Variants in ST6GAL1 observed in about 807,000 individuals in gnomAD.
ST6GAL1 encodes the protein beta-galactoside alpha-2,6-sialyltransferase 1.
In ST6GAL1, 20 loss-of-function variants were observed where a neutral mutation model predicts 38.0. That is an observed-to-expected ratio of 0.53 (90% CI 0.37 to 0.77). ST6GAL1 has a LOEUF of 0.77. Among genes scored for constraint, ST6GAL1 ranks in the 30% least tolerant of loss-of-function variants. The probability of loss-of-function intolerance (pLI) is 0.00; values close to 1 mark genes in which losing one functional copy is unlikely to be tolerated. For synonymous variants in ST6GAL1, 196 were observed against 188.2 expected, an observed-to-expected ratio of 1.04 and a Z score of -0.34; for missense variants, 432 against 496.4, an observed-to-expected ratio of 0.87 and a Z score of 1.23.
At chr3:186,967,175 T>C (rs1228040986) in intron 2 of ST6GAL1, among the ~76,000 whole-genome samples, 1 of 152,208 alleles carries the variant, frequency 6.6e-6, no homozygotes, top group Non-Finnish European at 1.5e-5. Flanking sequence ...TCCAGACTCC[T>C]GAAGAGGTGT....
intron 2 of ST6GAL1, among the ~76,000 whole-genome samples, chr3:187,014,108 G>A (rs545544868): frequency 6.6e-6 from 1 of 152,340 alleles, no homozygotes; most frequent in South Asian, 2.1e-4. Flanking sequence ...CATGTGCCAG[G>A]CACTGCACAA....
rs1312791983 is a variant in ST6GAL1, at chr3:186,986,975, T to TA, written c.-183+23049_-183+23050insA. Among the ~76,000 whole-genome samples the TA allele has an allele frequency of 1.5e-3, 140 of 94,646 alleles. 1 individual carries two copies. The highest frequency in any genetic ancestry group is 5.1e-3 in the African/African-American group (129 of 25,404). 62.1% of individuals were successfully genotyped at this position (94,646 alleles called of 152,430 possible). On this transcript the variant is annotated intron_variant, in intron 2 of 7. Coordinates refer to ENST00000169298, the MANE Select transcript of ST6GAL1 (RefSeq NM_173216.2). Reference sequence around the variant, plus strand: ...AACCAAAGGTTTTCTTTCTTTCCTTTTAAAAAAAAGTGATATACAGTGAAT... The same window carrying TA: ...AACCAAAGGTTTTCTTTCTTTCCTTTATAAAAAAAAGTGATATACAGTGAAT...
chr3:186,979,881 C>T (rs189872382), intron 2 of ST6GAL1, among the ~76,000 whole-genome samples: 249 of 152,274 alleles, frequency 1.6e-3, no homozygotes, highest in Non-Finnish European at 2.9e-3. Flanking sequence ...AGGGATGCAG[C>T]TTTTATAGCA....
At chr3:186,932,183 A>T (rs1312668285) in intron 1 of ST6GAL1, among the ~76,000 whole-genome samples, 1 of 152,200 alleles carries the variant, frequency 6.6e-6, no homozygotes, top group Non-Finnish European at 1.5e-5. Context: ...TTCCGCTGTT[A>T]TTGAAAAGGT....
intron 5 of ST6GAL1, among the ~76,000 whole-genome samples, chr3:187,067,722 G>T (rs1719217609): frequency 6.6e-6 from 1 of 152,104 alleles, no homozygotes; most frequent in African/African-American, 2.4e-5. Context: ...AATGTCTGAT[G>T]GTTTTATGGG....
intron 5 of ST6GAL1, among the ~76,000 whole-genome samples, chr3:187,066,605 T>TGTGTGTGC (rs1719147144): frequency 3.0e-5 from 3 of 99,918 alleles, no homozygotes; most frequent in Non-Finnish European, 6.1e-5. Flanking sequence ...TGCGTGCGTG[T>TGTGTGTGC]GTGTGTGTGT....
chr3:186,959,382 T>TAC (rs1714858181), intron 1 of ST6GAL1, among the ~76,000 whole-genome samples: 1 of 152,152 alleles, frequency 6.6e-6, no homozygotes, highest in African/African-American at 2.4e-5. Context: ...CTTACCTGCT[T>TAC]TGTGCCCGTG....
At chr3:186,977,346 C>CGA (rs1197399739) in intron 2 of ST6GAL1, among the ~76,000 whole-genome samples, 3 of 152,216 alleles carry the variant, frequency 2.0e-5, no homozygotes, top group Admixed American at 6.5e-5. Context: ...CTGATAAAGG[C>CGA]GAGCTATTTT....
At chr3:187,010,917 C>T (rs1316714914) in intron 2 of ST6GAL1, among the ~76,000 whole-genome samples, 1 of 152,090 alleles carries the variant, frequency 6.6e-6, no homozygotes, top group East Asian at 1.9e-4. Context: ...CTAGACCCCC[C>T]TCCCCTTTCT....
At chr3:187,018,266 G>T (rs1245827859) in intron 2 of ST6GAL1, among the ~76,000 whole-genome samples, 1 of 152,096 alleles carries the variant, frequency 6.6e-6, no homozygotes, top group Non-Finnish European at 1.5e-5. Context: ...CCTAGTTAGG[G>T]GCTGTTGGGG....
chr3:187,057,049 A>C (rs1364307106), intron 5 of ST6GAL1, among the ~76,000 whole-genome samples: 1 of 151,968 alleles, frequency 6.6e-6, no homozygotes, highest in African/African-American at 2.4e-5. Flanking sequence ...TATTTCATTG[A>C]TTTGATCTTC....
At chr3:186,984,825 T>TCCC (rs1715845401) in intron 2 of ST6GAL1, among the ~76,000 whole-genome samples, 1 of 42,514 alleles carries the variant, frequency 2.4e-5, no homozygotes, top group Admixed American at 2.7e-4. Flanking sequence ...CCTTCCTTCC[T>TCCC]TCCCTCCCTC....
At chr3:186,977,138 G>A (rs911075035) in intron 2 of ST6GAL1, among the ~76,000 whole-genome samples, 2 of 152,252 alleles carry the variant, frequency 1.3e-5, no homozygotes, top group Admixed American at 1.3e-4. Context: ...AAGGCATGTG[G>A]ACTTCTTTCT....
intron 1 of ST6GAL1, among the ~76,000 whole-genome samples, chr3:186,962,681 G>C (rs1360651190): frequency 1.3e-5 from 2 of 152,162 alleles, no homozygotes; most frequent in African/African-American, 4.8e-5. Context: ...TCCTAAGACT[G>C]TGTCCAAAGA....
At chr3:186,969,188 A>T (rs1715256074) in intron 2 of ST6GAL1, among the ~76,000 whole-genome samples, 1 of 46,860 alleles carries the variant, frequency 2.1e-5, no homozygotes, top group Admixed American at 2.6e-4. Context: ...AGTAGCTGGG[A>T]TTACAGGCAC....
At chr3:187,066,332 G>A (rs908599725) in intron 5 of ST6GAL1, among the ~76,000 whole-genome samples, 2 of 152,124 alleles carry the variant, frequency 1.3e-5, no homozygotes, top group Admixed American at 6.6e-5. Flanking sequence ...TCCTCTGTGC[G>A]TGGTGGAAAG....
rs35452443 is a variant in ST6GAL1 at position 186,940,783 on chromosome 3, G to GTTT, written c.-325+9964_-325+9966dup. ...GTATTGGAGGTCTTCCCATGTCAGT[G>GTTT]TTTTTTTTTTTTTTTTTCATAGCTG... is the stretch of plus-strand genomic sequence containing the variant. On this transcript the variant is annotated intron_variant, in intron 1 of 7. Transcript: ENST00000169298. Among the ~76,000 whole-genome samples the GTTT allele has an allele frequency of 3.1e-5, 4 of 129,296 alleles. 1 individual carries two copies. Among genetic ancestry groups the GTTT allele is most frequent in the South Asian group, 2.6e-4 (1 of 3,920 alleles). The allele number at this position is 129,296 out of a possible 152,430, so 84.8% of individuals were successfully genotyped here.
chr3:186,941,175 G>T (rs114372471), intron 1 of ST6GAL1, among the ~76,000 whole-genome samples: 4 of 152,154 alleles, frequency 2.6e-5, no homozygotes, highest in African/African-American at 9.7e-5. Flanking sequence ...CACCATCCTT[G>T]GGCCTTCCAA....
chr3:187,006,544 C>A lies in ST6GAL1; in HGVS notation c.-182-32198C>A, dbSNP rs79098695. On this transcript the variant is annotated intron_variant, in intron 2 of 7. Transcript: ENST00000169298. ...TTCATAGTAATCACCTACAGTGTGG[C>A]ATTTTTCTAGGTGCTTTACAACTAT... 612 of 152,304 alleles carry A rather than the reference C, an allele frequency of 4.0e-3. 5 individuals are homozygous for A. Among genetic ancestry groups the A allele is most frequent in the African/African-American group, 0.014 (574 of 41,572 alleles). 9.4% of individuals were successfully genotyped at this position (152,304 alleles called of 1,614,324 possible).
Sources: gnomAD v4.1 joint callset for allele counts (sites outside exome capture counted in the v4.1 genomes callset) on GRCh38, gnomAD v4.1.1 for gene constraint, MANE v1.5 for transcripts, NCBI Gene and HGNC (gene_info 2026-07-23, HGNC 2026-07-21) for gene names.